The following STK3 variants were observed in gnomAD, a reference collection of about 807,000 sequenced individuals.
STK3 encodes the protein serine/threonine-protein kinase 3.
In STK3, 41 loss-of-function variants were observed where a neutral mutation model predicts 58.0. That is an observed-to-expected ratio of 0.71 (90% CI 0.55 to 0.92). STK3 has a LOEUF of 0.92. Ranked by LOEUF, STK3 falls within the 40% of genes least tolerant of loss-of-function variation. STK3 has a pLI of 0.00. For synonymous variants in STK3, 170 were observed against 191.0 expected (o/e 0.89, Z 0.91); for missense variants, 479 against 602.7 (o/e 0.79, Z 2.15).
At chr8:98,522,892 T>C (rs941218943) in intron 10 of STK3, among the ~76,000 whole-genome samples, 1 of 152,216 alleles carries the variant, frequency 6.6e-6, no homozygotes, top group Non-Finnish European at 1.5e-5. Context: ...TTCCTAAGGC[T>C]GAACAATATT....
chr8:98,625,499 T>C (rs1818643787), intron 6 of STK3, among the ~76,000 whole-genome samples: 1 of 152,104 alleles, frequency 6.6e-6, no homozygotes, highest in South Asian at 2.1e-4. Flanking sequence ...AAGCCCAAAG[T>C]GCCATGTTTC....
At chr8:98,842,532 G>A (rs893054640) in intron 3 of STK3, among the ~76,000 whole-genome samples, 6 of 151,596 alleles carry the variant, frequency 4.0e-5, no homozygotes, top group African/African-American at 1.5e-4. Flanking sequence ...CAAAAAATTA[G>A]CTGGGCGTGG....
At chr8:98,473,046 A>G (rs1821042930) in intron 10 of STK3, among the ~76,000 whole-genome samples, 1 of 152,310 alleles carries the variant, frequency 6.6e-6, no homozygotes, top group South Asian at 2.1e-4. Flanking sequence ...CTCTTTTATA[A>G]TCCCTAAGAG....
At chr8:98,643,706 T>C (rs1282951586) in intron 6 of STK3, among the ~76,000 whole-genome samples, 1 of 152,166 alleles carries the variant, frequency 6.6e-6, no homozygotes. Flanking sequence ...CAAATATTTG[T>C]TGAATGAATA....
rs370688025 is a variant in STK3 at position 98,903,310 on chromosome 8, T to C, written c.-78-19476A>G. ...ATCCTGATGAAAATATTAAAACAAT[T>C]GAGTTTTTATGGGCAGGTGATAGAA... On this transcript the variant is annotated intron_variant, in intron 1 of 1. Coordinates refer to the STK3 transcript ENST00000519420. 9.7e-4 allele frequency among the ~76,000 whole-genome samples: 147 copies of C among 152,314 alleles called. 2 individuals are homozygous for C. The South Asian group carries it at 0.017, about 18-fold the overall frequency.
chr8:98,556,543 G>A (rs1188615501), intron 8 of STK3, among the ~76,000 whole-genome samples: 4 of 152,014 alleles, frequency 2.6e-5, no homozygotes, highest in Non-Finnish European at 4.4e-5. Context: ...AAATAACCGA[G>A]AACAAAAGTA....
chr8:98,683,253 C>T (rs1343979524), intron 6 of STK3, among the ~76,000 whole-genome samples: 8 of 151,930 alleles, frequency 5.3e-5, no homozygotes, highest in Non-Finnish European at 4.4e-5. Context: ...GTTTGAAAGG[C>T]AAGCTGTGAG....
chr8:98,451,979 T>C (rs2131122721), downstream of STK3, among the ~76,000 whole-genome samples: 1 of 152,268 alleles, frequency 6.6e-6, no homozygotes, highest in South Asian at 2.1e-4. Flanking sequence ...AATGGTTTAG[T>C]AATGCGATAT....
chr8:98,454,478 G>C (rs1303226301), downstream of STK3, among the ~76,000 whole-genome samples: 1 of 152,210 alleles, frequency 6.6e-6, no homozygotes, highest in East Asian at 1.9e-4. Flanking sequence ...TGGGCCTGGA[G>C]CAAGAGTGAG....
chr8:98,466,671 T>G (rs1230473160), intron 10 of STK3, among the ~76,000 whole-genome samples: 1 of 152,214 alleles, frequency 6.6e-6, no homozygotes, highest in East Asian at 1.9e-4. Flanking sequence ...CTGGTCTTGC[T>G]CTGGTTTGTT....
downstream of STK3, chr8:98,401,398 A>G (rs904377356): frequency 2.0e-5 from 3 of 152,236 alleles, no homozygotes; most frequent in African/African-American, 7.2e-5. Context: ...TTTGATGCCA[A>G]TAAGTTTGAA....
In STK3 at chr8:98,636,134, T is replaced by C. The variant is rs552831351; in HGVS notation, c.685-39965A>G. ...TCTGTGGGGCATTCCCAAGGAAACATGAATTACCTCATTCAATCCTCATAA... is the reference window on the plus strand; with the variant it reads ...TCTGTGGGGCATTCCCAAGGAAACACGAATTACCTCATTCAATCCTCATAA... On this transcript the variant is annotated intron_variant, in intron 6 of 10. Transcript: ENST00000419617. Among the ~76,000 whole-genome samples the C allele has an allele frequency of 2.0e-5, 3 of 152,184 alleles. No homozygotes were observed. The South Asian group carries it at 6.2e-4, about 32-fold the overall frequency.
rs555512623 is a variant in STK3 at position 98,655,041 on chromosome 8, A to G, written c.684+51426T>C. On this transcript the variant is annotated intron_variant, in intron 6 of 10. Coordinates refer to ENST00000419617, the MANE Select transcript of STK3 (RefSeq NM_006281.4). ...CGCATTGCCAAGTCAATCCTAAGCC[A>G]AAAGAACAAAGCTGGAGGCATCACA... is the stretch of plus-strand genomic sequence containing the variant. Among the ~76,000 whole-genome samples the G allele has an allele frequency of 8.9e-3, 1,362 of 152,222 alleles. 16 individuals carry two copies. Among genetic ancestry groups the G allele is most frequent in the Non-Finnish European group, 0.014 (977 of 68,002 alleles).
At chr8:98,704,187 T>C (rs1825806834) in intron 6 of STK3, among the ~76,000 whole-genome samples, 1 of 152,104 alleles carries the variant, frequency 6.6e-6, no homozygotes, top group African/African-American at 2.4e-5. Flanking sequence ...TGACAGACAT[T>C]TTCTCAAAAA....
intron 6 of STK3, among the ~76,000 whole-genome samples, chr8:98,621,869 ATACAGAT>A (rs1818352106): frequency 6.6e-6 from 1 of 152,070 alleles, no homozygotes; most frequent in Admixed American, 6.6e-5. Context: ...TGGCCAGATG[ATACAGAT>A]TGTGGACACA....
chr8:98,582,541 G>A (rs1814010882), intron 7 of STK3, among the ~76,000 whole-genome samples: 1 of 151,326 alleles, frequency 6.6e-6, no homozygotes, highest in Admixed American at 6.6e-5. Context: ...AATTACTTTG[G>A]TGTTTCTGTG....
At chr8:98,460,829 G>A (rs1475735823) in intron 10 of STK3, among the ~76,000 whole-genome samples, 1 of 152,162 alleles carries the variant, frequency 6.6e-6, no homozygotes, top group East Asian at 1.9e-4. Context: ...ATGATTATAA[G>A]TTTCCTGAGG....
At chr8:98,383,956 C>T (rs1406179478) in intron 1 of STK3, among the ~76,000 whole-genome samples, 1 of 152,208 alleles carries the variant, frequency 6.6e-6, no homozygotes, top group Non-Finnish European at 1.5e-5. Flanking sequence ...GATGGATTCT[C>T]CTCCCACATA....
chr8:98,560,837 G>A (rs1811953310), intron 8 of STK3, among the ~76,000 whole-genome samples: 3 of 151,872 alleles, frequency 2.0e-5, no homozygotes, highest in African/African-American at 4.8e-5. Context: ...GTTTGAGACC[G>A]GCCTGGGCAA....
Sources: allele counts gnomAD v4.1 joint callset (sites outside exome capture counted in the v4.1 genomes callset), GRCh38; gene constraint gnomAD v4.1.1; transcripts MANE v1.5; gene names NCBI Gene and HGNC (gene_info 2026-07-23, HGNC 2026-07-21).